TENM4: variants seen among roughly 807,000 people sequenced by gnomAD.
TENM4 encodes the protein teneurin transmembrane protein 4, also known as teneurin-4.
In TENM4, 82 loss-of-function variants were observed where a neutral mutation model predicts 243.3. The observed-to-expected ratio is 0.34, with a 90% CI of 0.28 to 0.40. The LOEUF (loss-of-function observed/expected upper bound fraction) is 0.40. Among genes scored for constraint, TENM4 ranks in the 10% least tolerant of loss-of-function variants. The probability of loss-of-function intolerance (pLI) is 1.00; values close to 1 mark genes in which losing one functional copy is unlikely to be tolerated. For synonymous variants in TENM4, 1,412 were observed against 1,456.3 expected, an observed-to-expected ratio of 0.97 and a Z score of 0.69; for missense variants, 3,138 against 3,673.3, an observed-to-expected ratio of 0.85 and a Z score of 3.77.
intron 6 of TENM4, among the ~76,000 whole-genome samples, chr11:78,992,588 G>A (rs1186351313): frequency 6.6e-6 from 1 of 152,192 alleles, no homozygotes; most frequent in Non-Finnish European, 1.5e-5. Context: ...GTTTTGATGT[G>A]GATCTTGAGA....
intron 6 of TENM4, among the ~76,000 whole-genome samples, chr11:78,982,020 G>A (rs1358511619): frequency 1.3e-5 from 2 of 152,108 alleles, no homozygotes; most frequent in Non-Finnish European, 1.5e-5. Context: ...AATCACACCT[G>A]CAAGAAGCCT....
chr11:79,388,337 G>C (rs1284924710), intron 1 of TENM4, among the ~76,000 whole-genome samples: 1 of 152,138 alleles, frequency 6.6e-6, no homozygotes, highest in East Asian at 1.9e-4. Flanking sequence ...TTTTTCAGCA[G>C]CAAAATTCTT....
intron 9 of TENM4, among the ~76,000 whole-genome samples, chr11:78,869,162 T>C (rs905026001): frequency 6.6e-6 from 1 of 151,500 alleles, no homozygotes; most frequent in Non-Finnish European, 1.5e-5. Context: ...ACTCGATGTC[T>C]AAAAATAGGA....
chr11:79,137,320 C>T (rs1441234965), intron 4 of TENM4, among the ~76,000 whole-genome samples: 1 of 152,104 alleles, frequency 6.6e-6, no homozygotes, highest in Non-Finnish European at 1.5e-5. Flanking sequence ...GTCTGCTACT[C>T]CACAACGGAG....
At chr11:78,933,224 G>C (rs1392162170) in intron 6 of TENM4, among the ~76,000 whole-genome samples, 1 of 152,080 alleles carries the variant, frequency 6.6e-6, no homozygotes. Flanking sequence ...TCATTGGTAA[G>C]GAGGGGATAA....
chr11:79,143,726 T>C (rs760825340), intron 4 of TENM4, among the ~76,000 whole-genome samples: 6 of 151,648 alleles, frequency 4.0e-5, no homozygotes, highest in Admixed American at 1.3e-4. Flanking sequence ...TAAATGGTGC[T>C]GGGAAAACAA....
chr11:79,205,424 G>A (rs1396304339), intron 3 of TENM4, among the ~76,000 whole-genome samples: 2 of 152,054 alleles, frequency 1.3e-5, no homozygotes, highest in Non-Finnish European at 2.9e-5. Context: ...GATACAGAAC[G>A]TCTCCACAGG....
intron 25 of TENM4, among the ~76,000 whole-genome samples, 176 bp downstream of exon 25, chr11:78,720,194 C>T (rs1229404447): frequency 6.6e-6 from 1 of 152,204 alleles, no homozygotes; most frequent in African/African-American, 2.4e-5. Context: ...CAGGCTCCTG[C>T]CACCCATTCT....
At chr11:78,733,724 T>C (rs377458835) in intron 20 of TENM4, among the ~76,000 whole-genome samples, 1 of 152,152 alleles carries the variant, frequency 6.6e-6, no homozygotes, top group Non-Finnish European at 1.5e-5. Flanking sequence ...TGGAACCTGA[T>C]TTGAGGGTTC....
intron 1 of TENM4, among the ~76,000 whole-genome samples, chr11:79,303,810 G>C (rs1041016026): frequency 6.6e-6 from 1 of 152,082 alleles, no homozygotes; most frequent in African/African-American, 2.4e-5. Context: ...ATGATGGATG[G>C]CTGGCCTACT....
intron 2 of TENM4, among the ~76,000 whole-genome samples, chr11:79,253,698 G>A (rs867295052): frequency 9.9e-5 from 15 of 152,152 alleles, no homozygotes; most frequent in Middle Eastern, 3.2e-3. Flanking sequence ...CGTCCAAGAG[G>A]CTACAGAGGT....
rs1002863919 is a variant in TENM4 at position 78,657,446 on chromosome 11, A to C, written c.*612T>G. The C allele has an allele frequency of 4.4e-5, 16 of 362,246 alleles. No individual in the cohort carries two copies. Among genetic ancestry groups the C allele is most frequent in the Admixed American group, 1.3e-4 (3 of 22,460 alleles). 22.4% of individuals were successfully genotyped at this position (362,246 alleles called of 1,614,324 possible). On this transcript the variant is annotated 3_prime_UTR_variant, in exon 34 of 34. Coordinates refer to ENST00000278550, the MANE Select transcript of TENM4 (RefSeq NM_001098816.3). ...GGCAGCTTAAAAAAGGTGCTGAACA[A>C]CACCATGAAATTCCCTGGAGCAAGA...
intron 4 of TENM4, among the ~76,000 whole-genome samples, chr11:79,135,056 CA>C (rs1862080621): frequency 6.6e-6 from 1 of 152,120 alleles, no homozygotes; most frequent in South Asian, 2.1e-4. Flanking sequence ...AGTAAACAGA[CA>C]ACTCACAGAG....
chr11:79,020,053 C>T (rs1858886424), intron 6 of TENM4, among the ~76,000 whole-genome samples: 1 of 152,198 alleles, frequency 6.6e-6, no homozygotes, highest in Admixed American at 6.5e-5. Flanking sequence ...TTCTTATCCC[C>T]ACAATCCCTT....
intron 12 of TENM4, among the ~76,000 whole-genome samples, chr11:78,822,671 CACGTTTACCT>C: frequency 6.6e-6 from 1 of 152,118 alleles, no homozygotes; most frequent in East Asian, 1.9e-4. Context: ...CACCATGGCA[CACGTTTACCT>C]ATGTAACAAA....
At chr11:79,116,729 G>A (rs1026611337) in intron 4 of TENM4, among the ~76,000 whole-genome samples, 13 of 152,264 alleles carry the variant, frequency 8.5e-5, no homozygotes, top group South Asian at 2.1e-4. Flanking sequence ...GTGGGAGTCC[G>A]AAATATATCG....
intron 28 of TENM4, among the ~76,000 whole-genome samples, chr11:78,693,307 A>C (rs1425882895): frequency 6.6e-6 from 1 of 152,154 alleles, no homozygotes; most frequent in Non-Finnish European, 1.5e-5. Context: ...TCATTTCACA[A>C]ATGGTGAAGA....
chr11:78,706,225 T>C (rs768039735), intron 27 of TENM4, among the ~76,000 whole-genome samples: 7 of 152,198 alleles, frequency 4.6e-5, no homozygotes, highest in African/African-American at 7.2e-5. Context: ...AGTTCTTATT[T>C]TGGATCCTAA....
chr11:78,846,453 C>T (rs189093964), intron 12 of TENM4, among the ~76,000 whole-genome samples: 4 of 152,114 alleles, frequency 2.6e-5, no homozygotes, highest in African/African-American at 9.7e-5. Context: ...TGAGTAAACA[C>T]GGGTTGAATA....
Sources: allele counts gnomAD v4.1 joint callset (sites outside exome capture counted in the v4.1 genomes callset), GRCh38; gene constraint gnomAD v4.1.1; transcripts MANE v1.5; gene names NCBI Gene and HGNC (gene_info 2026-07-23, HGNC 2026-07-21).